Variants in RIMBP2 observed in about 807,000 individuals in gnomAD.
The protein encoded by RIMBP2 is RIMS-binding protein 2.
RIMBP2 carries 48 observed loss-of-function variants against 118.6 expected under a neutral mutation model. That is an observed-to-expected ratio of 0.40 (90% CI 0.32 to 0.51). The LOEUF is 0.51. Ranked by LOEUF, RIMBP2 falls within the 20% of genes least tolerant of loss-of-function variation. RIMBP2 has a pLI of 0.41. For missense variants in RIMBP2, 1,551 were observed against 1,768.3 expected (o/e 0.88, Z 2.20); for synonymous variants, 762 against 742.9 (o/e 1.03, Z -0.42).
chr12:130,645,520 G>C (rs143236908), intron 1 of RIMBP2, among the ~76,000 whole-genome samples: 1 of 152,210 alleles, frequency 6.6e-6, no homozygotes, highest in South Asian at 2.1e-4. Flanking sequence ...GTCAGGACAC[G>C]GGATGGGCAG....
rs1018198982 is a variant in RIMBP2 at position 130,447,218 on chromosome 12, C to T, written c.582-1949G>A. On this transcript the variant is annotated intron_variant, in intron 9 of 22. Coordinates refer to ENST00000690449, the MANE Select transcript of RIMBP2 (RefSeq NM_001393629.1). The surrounding 1 kb of genome is among the most constrained non-coding windows in gnomAD (Gnocchi z 4.4). ...CACCCTGAGAGCTTGAGAGGGAAGC[C>T]GCGGAGGCCAAGAGGGAAGGTGAAC... 7.2e-5 allele frequency among the ~76,000 whole-genome samples: 11 copies of T among 151,732 alleles called. No individual in the cohort carries two copies. The highest frequency in any genetic ancestry group is 5.9e-4 in the Admixed American group (9 of 15,224).
intron 2 of RIMBP2, among the ~76,000 whole-genome samples, chr12:130,579,565 A>G (rs2058323509): frequency 6.6e-6 from 1 of 151,722 alleles, no homozygotes; most frequent in Non-Finnish European, 1.5e-5. Context: ...CCAGAGTAAA[A>G]CCCTCATAGC....
At chr12:130,513,915 A>T (rs1287792105) in intron 3 of RIMBP2, among the ~76,000 whole-genome samples, 2 of 152,268 alleles carry the variant, frequency 1.3e-5, no homozygotes, top group Non-Finnish European at 2.9e-5. Context: ...GGGATCCAGA[A>T]GGACACTGTT....
intron 1 of RIMBP2, among the ~76,000 whole-genome samples, chr12:130,681,109 G>A (rs1220965781): frequency 6.6e-6 from 1 of 152,034 alleles, no homozygotes. Flanking sequence ...AACAATAATT[G>A]CAAGTTCTGT....
intron 2 of RIMBP2, among the ~76,000 whole-genome samples, chr12:130,550,557 G>C (rs1291472666): frequency 6.6e-6 from 1 of 152,168 alleles, no homozygotes; most frequent in East Asian, 1.9e-4. Context: ...GGTCAGCTGG[G>C]TAAAGAGTAT....
chr12:130,482,225 T>C (rs773039127), intron 4 of RIMBP2, among the ~76,000 whole-genome samples: 9 of 152,194 alleles, frequency 5.9e-5, no homozygotes, highest in Non-Finnish European at 1.3e-4. Context: ...AGGCCCTCCG[T>C]GTGGGGCTTC....
At chr12:130,562,522 G>A (rs955028373) in intron 2 of RIMBP2, among the ~76,000 whole-genome samples, 3 of 152,204 alleles carry the variant, frequency 2.0e-5, no homozygotes, top group Non-Finnish European at 4.4e-5. Context: ...GCAACCAAGG[G>A]AAGGAAGTAC....
rs12810841 is a variant in RIMBP2, at chr12:130,664,415, A to G, written c.-351-35959T>C. 5.7e-3 allele frequency among the ~76,000 whole-genome samples: 738 copies of G among 130,166 alleles called. 30 individuals are homozygous for G. Among genetic ancestry groups the G allele is most frequent in the African/African-American group, 0.012 (442 of 35,878 alleles). The allele number at this position is 130,166 out of a possible 152,430, so 85.4% of individuals were successfully genotyped here. On this transcript the variant is annotated intron_variant, in intron 1 of 22. Coordinates refer to ENST00000690449, the MANE Select transcript of RIMBP2 (RefSeq NM_001393629.1). ...CACACACACGCACGCACGCACGCAC[A>G]CACACGCACACACATGCATGCACGC...
intron 2 of RIMBP2, among the ~76,000 whole-genome samples, chr12:130,575,305 C>T (rs1217786755): frequency 6.7e-6 from 1 of 149,782 alleles, no homozygotes; most frequent in African/African-American, 2.5e-5. Flanking sequence ...ACAGAAGTTC[C>T]CACCAACCCA....
At chr12:130,492,666 C>A (rs1249469867) in intron 4 of RIMBP2, among the ~76,000 whole-genome samples, 1 of 152,246 alleles carries the variant, frequency 6.6e-6, no homozygotes, top group Non-Finnish European at 1.5e-5. Context: ...TAGAGGGGAT[C>A]TTATCAGCTG....
rs1418203742 is a variant in RIMBP2 at position 130,437,288 on chromosome 12, C to A, written c.1660G>T (p.Ala554Ser). The A allele has an allele frequency of 1.3e-6, 2 of 1,575,128 alleles. No individual in the cohort carries two copies. The highest frequency in any genetic ancestry group is 1.1e-5 in the South Asian group (1 of 87,686). Residue 554 changes from alanine (A) to serine (S), a missense_variant, in exon 13 of 23, where the codon GCT becomes TCT. Transcript: ENST00000690449. The part of the protein sequence containing the change: ...YGVYAKGQRV[A>S]EVIFPTADST... The stretch of plus-strand genomic sequence containing the variant: ...TCTGCCGTGGGGAAGATGACTTCAG[C>A]CACCTGTGGACAAGCAGAGCTGGCT...
intron 21 of RIMBP2, among the ~76,000 whole-genome samples, chr12:130,402,174 A>AGC (rs2074662263): frequency 6.6e-6 from 1 of 152,120 alleles, no homozygotes; most frequent in South Asian, 2.1e-4. Context: ...TGACGACGGG[A>AGC]CTTGCTCGCG....
intron 2 of RIMBP2, among the ~76,000 whole-genome samples, chr12:130,568,176 G>A (rs2057366939): frequency 6.6e-6 from 1 of 152,194 alleles, no homozygotes. Context: ...TATAGAAGAA[G>A]GCAGGGTTTC....
At chr12:130,646,581 C>T (rs1037322791) in intron 1 of RIMBP2, among the ~76,000 whole-genome samples, 2 of 151,862 alleles carry the variant, frequency 1.3e-5, no homozygotes, top group African/African-American at 2.4e-5. Flanking sequence ...AATCCAAGGT[C>T]GCAAGCACAC....
At chr12:130,532,620 T>C (rs573023144) in intron 2 of RIMBP2, among the ~76,000 whole-genome samples, 7 of 140,212 alleles carry the variant, frequency 5.0e-5, no homozygotes, top group African/African-American at 1.9e-4. Flanking sequence ...TGCGTATGCT[T>C]AGCCTCTAGG....
rs537052147 is a variant in RIMBP2 at position 130,626,964 on chromosome 12, C to T, written c.-217+1358G>A. Among the ~76,000 whole-genome samples, 9 of 152,008 alleles carry T rather than the reference C, an allele frequency of 5.9e-5. No individual in the cohort carries two copies. In the South Asian group the frequency reaches 1.0e-3, roughly 18 times the overall value. The stretch of plus-strand genomic sequence containing the variant: ...TTACCACCATTATCACCACGACTAC[C>T]GCCAGCATCACCATCATCTTCTCCA... On this transcript the variant is annotated intron_variant, in intron 2 of 22. Transcript: ENST00000690449.
intron 1 of RIMBP2, among the ~76,000 whole-genome samples, chr12:130,695,005 C>T (rs2065499255): frequency 6.6e-6 from 1 of 152,218 alleles, no homozygotes; most frequent in Non-Finnish European, 1.5e-5. Context: ...AGTTTCCCGT[C>T]AGTGTCGCTC....
rs113690315 is a variant in RIMBP2, at chr12:130,702,245, A to G, written c.-352+13977T>C. Reference sequence around the variant, plus strand: ...AATAACCACATGTGGGACCGGGCACAGTGGCTCATGCCTGTAATCCCAGCA... The same window carrying G: ...AATAACCACATGTGGGACCGGGCACGGTGGCTCATGCCTGTAATCCCAGCA... On this transcript the variant is annotated intron_variant, in intron 1 of 22. Coordinates refer to ENST00000690449, the MANE Select transcript of RIMBP2 (RefSeq NM_001393629.1). 5.4e-3 allele frequency among the ~76,000 whole-genome samples: 819 copies of G among 152,212 alleles called. 10 individuals are homozygous for G. The highest frequency in any genetic ancestry group is 0.019 in the African/African-American group (776 of 41,540).
chr12:130,504,163 C>G (rs979049202), intron 4 of RIMBP2, among the ~76,000 whole-genome samples: 2 of 152,194 alleles, frequency 1.3e-5, no homozygotes, highest in Non-Finnish European at 2.9e-5. Context: ...GGAAGGAAAA[C>G]TACATCCCGT....
Sources: gnomAD v4.1 joint callset for allele counts (sites outside exome capture counted in the v4.1 genomes callset) on GRCh38, gnomAD v4.1.1 for gene constraint, Gnocchi (gnomAD v3.1) non-coding constraint, MANE v1.5 for transcripts, NCBI Gene and HGNC (gene_info 2026-07-23, HGNC 2026-07-21) for gene names.